Variants in TRPV3 observed in about 807,000 individuals in gnomAD.
TRPV3 encodes transient receptor potential cation channel subfamily V member 3, also known as VRL-3.
In TRPV3, 88 loss-of-function variants were observed where a neutral mutation model predicts 87.1. The observed-to-expected ratio is 1.01, with a 90% CI of 0.85 to 1.21. The LOEUF is 1.21. Among genes scored for constraint, TRPV3 ranks in the 50% most tolerant of loss-of-function variants. The probability of loss-of-function intolerance (pLI) is 0.00; values close to 1 mark genes in which losing one functional copy is unlikely to be tolerated. For synonymous variants in TRPV3, 438 were observed against 423.3 expected (o/e 1.03, Z -0.43); for missense variants, 1,054 against 1,030.1 (o/e 1.02, Z -0.32).
chr17:3,532,716 T>G lies in TRPV3; in HGVS notation c.1006A>C (p.Thr336Pro). 6.2e-7 allele frequency: 1 copy of G among 1,614,174 alleles called. No individual in the cohort carries two copies. Among genetic ancestry groups the G allele is most frequent in the African/African-American group, 1.3e-5 (1 of 75,034 alleles). Reference sequence around the variant, plus strand: ...GGCGTGAGGCCATCGTTGTTGCGAGTGGTCTCCAGCTCCCAGTTGCCACTC... The same window carrying G: ...GGCGTGAGGCCATCGTTGTTGCGAGGGGTCTCCAGCTCCCAGTTGCCACTC... ...LRSGNWELET[T>P]RNNDGLTPLQ... Residue 336 changes from threonine to proline, a missense_variant, in exon 8 of 18, where the codon ACT becomes CCT. Thr to Pro is a conservative substitution (Grantham distance 38, BLOSUM62 -1). Transcript: ENST00000576742.
chr17:3,512,409 T>C lies in TRPV3; in HGVS notation c.*1508A>G, dbSNP rs1023069249. On this transcript the variant is annotated 3_prime_UTR_variant, in exon 18 of 18. Transcript: ENST00000576742. ...TGTCCAGCTAGTCTGGCACACAGAGTGGCCCAGGGCAGAGAAACTGGCCCA... is the reference window on the plus strand; with the variant it reads ...TGTCCAGCTAGTCTGGCACACAGAGCGGCCCAGGGCAGAGAAACTGGCCCA... 1 of 151,976 alleles carries C rather than the reference T, an allele frequency of 6.6e-6. No individual in the cohort carries two copies. The highest frequency in any genetic ancestry group is 1.5e-5 in the Non-Finnish European group (1 of 68,006). 9.4% of individuals were successfully genotyped at this position (151,976 alleles called of 1,614,324 possible). A position where few individuals can be genotyped will look rare whatever the true frequency, so the allele number is the denominator to read the frequency against.
intron 2 of TRPV3, chr17:3,553,431 C>T (rs1307605405): frequency 2.0e-5 from 3 of 152,718 alleles, no homozygotes; most frequent in Non-Finnish European, 4.4e-5. Flanking sequence ...CCTTGACTGA[C>T]CCCCAGGACT....
chr17:3,538,091 G>A (rs1477266072), intron 6 of TRPV3, among the ~76,000 whole-genome samples: 2 of 151,406 alleles, frequency 1.3e-5, no homozygotes, highest in African/African-American at 2.4e-5. Context: ...CCAGCTACTC[G>A]GGAGGCTGAG....
Position 3,528,861 on chromosome 17 carries a change from C to A in TRPV3, c.1377G>T (p.Ser459=). The change falls in exon 10 of 18, where the codon TCG becomes TCT. Residue 459 remains serine (S), a synonymous_variant. Coordinates refer to ENST00000576742, the MANE Select transcript of TRPV3 (RefSeq NM_145068.4). The surrounding 1 kb of genome is among the most constrained non-coding windows in gnomAD (Gnocchi z 4.2). ...FFYNITLTLV[S]YYRPREEEAI... The stretch of plus-strand genomic sequence containing the variant: ...CCTCCTCCTCCCGGGGGCGGTAGTA[C>A]GAGACGAGGGTCAGGGTGATGTTGT... 6.2e-7 allele frequency: 1 copy of A among 1,614,166 alleles called. No individual in the cohort carries two copies. The highest frequency in any genetic ancestry group is 8.5e-7 in the Non-Finnish European group (1 of 1,180,024).
intron 16 of TRPV3, 67 bp from the exon 17 acceptor site, chr17:3,514,739 C>T (rs2074160934): frequency 4.8e-6 from 6 of 1,246,000 alleles, no homozygotes; most frequent in South Asian, 1.2e-5. Context: ...AATAGCCCTG[C>T]GTTTGGGACG....
chr17:3,514,853 T>A (rs906932432), intron 16 of TRPV3, among the ~76,000 whole-genome samples, 181 bp from the exon 17 acceptor site: 1 of 151,920 alleles, frequency 6.6e-6, no homozygotes, highest in African/African-American at 2.4e-5. Context: ...TCTATCCCCA[T>A]CTCCACGTCC....
chr17:3,525,031 G>C (rs4790144), intron 12 of TRPV3, among the ~76,000 whole-genome samples: 1 of 152,002 alleles, frequency 6.6e-6, no homozygotes, highest in African/African-American at 2.4e-5. Context: ...GGGGGGTCAG[G>C]GGGGCAGAGA....
rs559064361 is a variant in TRPV3 at position 3,556,520 on chromosome 17, G to A, written c.-3+1156C>T. On this transcript the variant is annotated intron_variant, in intron 1 of 17. Coordinates refer to ENST00000576742, the MANE Select transcript of TRPV3 (RefSeq NM_145068.4). The surrounding 1 kb of genome is among the most constrained non-coding windows in gnomAD (Gnocchi z 4.2). Reference sequence around the variant, plus strand: ...GACACATAGGTGGGGGCAGGAAGACGGATTTCTGTAAGAAGAACCCAGCTG... The same window carrying A: ...GACACATAGGTGGGGGCAGGAAGACAGATTTCTGTAAGAAGAACCCAGCTG... Among the ~76,000 whole-genome samples, 121 of 152,252 alleles carry A rather than the reference G, an allele frequency of 7.9e-4. 1 individual carries two copies. The highest frequency in any genetic ancestry group is 1.1e-3 in the Admixed American group (17 of 15,300).
rs1008393488 is a variant in TRPV3 at position 3,530,585 on chromosome 17, G to T, written c.1066-382C>A. On this transcript the variant is annotated intron_variant, in intron 8 of 17. Transcript: ENST00000576742. The surrounding 1 kb of genome is among the most constrained non-coding windows in gnomAD (Gnocchi z 4.0). ...CTCTGGACTTGAGAAGAAGCCAGAA[G>T]TGTTCTCAGCGTCCCCAGCCCACCC... Among the ~76,000 whole-genome samples, 10 of 152,160 alleles carry T rather than the reference G, an allele frequency of 6.6e-5. No individual in the cohort carries two copies. The highest frequency in any genetic ancestry group is 2.4e-4 in the African/African-American group (10 of 41,436).
rs767200119 is a variant in TRPV3 at position 3,530,676 on chromosome 17, C to T, written c.1066-473G>A. 2.6e-5 allele frequency among the ~76,000 whole-genome samples: 4 copies of T among 152,192 alleles called. No homozygotes were observed. The highest frequency in any genetic ancestry group is 4.8e-5 in the African/African-American group (2 of 41,446). ...AGGCAGGTGGTGACGAGAGACACCACGCCCTACAGGGAGGCCCGTGGGACT... is the reference window on the plus strand; with the variant it reads ...AGGCAGGTGGTGACGAGAGACACCATGCCCTACAGGGAGGCCCGTGGGACT... On this transcript the variant is annotated intron_variant, in intron 8 of 17. Coordinates refer to ENST00000576742, the MANE Select transcript of TRPV3 (RefSeq NM_145068.4). The surrounding 1 kb of genome is among the most constrained non-coding windows in gnomAD (Gnocchi z 4.0).
At chr17:3,540,202 G>A (rs1021618479) in intron 6 of TRPV3, among the ~76,000 whole-genome samples, 3 of 152,142 alleles carry the variant, frequency 2.0e-5, no homozygotes, top group African/African-American at 7.2e-5. Flanking sequence ...CTTTAGAGTG[G>A]ACAATCAGAG....
chr17:3,534,847 A>G (rs953825963), intron 7 of TRPV3, among the ~76,000 whole-genome samples: 1 of 152,078 alleles, frequency 6.6e-6, no homozygotes, highest in African/African-American at 2.4e-5. Flanking sequence ...TTCCCTTCAC[A>G]GAGCCATCTC....
chr17:3,521,840 CT>C (rs1372591437), intron 13 of TRPV3, among the ~76,000 whole-genome samples: 19 of 152,276 alleles, frequency 1.2e-4, no homozygotes, highest in Middle Eastern at 3.4e-3. Flanking sequence ...CTTTGAGAGG[CT>C]GAGGTGGGTG....
At chr17:3,535,787 C>G in intron 6 of TRPV3, 74 bp from the exon 7 acceptor site, 1 of 1,378,482 alleles carries the variant, frequency 7.3e-7, no homozygotes, top group Non-Finnish European at 9.4e-7. Context: ...GCTCTGGCCT[C>G]CATACCCTCC....
At chr17:3,525,087 T>TCTGCTCACTGCAACCTC (rs1229770805) in intron 12 of TRPV3, among the ~76,000 whole-genome samples, 2 of 152,198 alleles carry the variant, frequency 1.3e-5, no homozygotes, top group Non-Finnish European at 2.9e-5. Context: ...TGGCATGAAC[T>TCTGCTCACTGCAACCTC]CTGCTCACTG....
chr17:3,526,707 G>C (rs1597474284), intron 12 of TRPV3, 147 bp downstream of exon 12: 1 of 659,458 alleles, frequency 1.5e-6, no homozygotes, highest in South Asian at 1.8e-5. Context: ...AGGAGGAAGA[G>C]AGGAGACCCC....
Position 3,543,606 on chromosome 17 carries a change from G to A in TRPV3, c.334C>T (p.Gln112Ter). The change falls in exon 5 of 18, where the codon CAG becomes TAG. Residue 112 changes from glutamine (Q) to a stop codon, truncating the protein, a stop_gained. Transcript: ENST00000576742. LOFTEE classifies it high-confidence loss of function. ...SPSAQLAKEEQRRKKRRLKKR... is the reference protein window; with the variant it reads ...SPSAQLAKEE ...TTCAGCCGCCTCTTTTTCCTCCTCT[G>A]CTCTTCCTTGGCCAGCTGTGCACTG... The A allele has an allele frequency of 6.2e-7, 1 of 1,614,108 alleles. No individual in the cohort carries two copies. The highest frequency in any genetic ancestry group is 1.1e-5 in the South Asian group (1 of 91,080).
chr17:3,529,673 C>A (rs2074330865), intron 9 of TRPV3, among the ~76,000 whole-genome samples: 1 of 152,112 alleles, frequency 6.6e-6, no homozygotes, highest in African/African-American at 2.4e-5. Context: ...GCCGTATACA[C>A]CAACGGGGGG....
chr17:3,527,353 C>A (rs1962551449), intron 11 of TRPV3, among the ~76,000 whole-genome samples: 1 of 152,226 alleles, frequency 6.6e-6, no homozygotes, highest in African/African-American at 2.4e-5. Context: ...CTTCAAGCAT[C>A]TCTACCATTC....
Sources: gnomAD v4.1 joint callset for allele counts (sites outside exome capture counted in the v4.1 genomes callset) on GRCh38, gnomAD v4.1.1 for gene constraint, Gnocchi (gnomAD v3.1) non-coding constraint, MANE v1.5 for transcripts, NCBI Gene and HGNC (gene_info 2026-07-23, HGNC 2026-07-21) for gene names.